ASTN2: variants seen among roughly 807,000 people sequenced by gnomAD.
The protein encoded by ASTN2 is astrotactin-2.
Under a neutral mutation model 139.8 loss-of-function variants are expected in ASTN2, and 54 were observed. That is an observed-to-expected ratio of 0.39 (90% CI 0.31 to 0.48). The LOEUF (loss-of-function observed/expected upper bound fraction) is 0.48, where lower values mean the gene tolerates loss of function less well. Ranked by LOEUF, ASTN2 falls within the 20% of genes least tolerant of loss-of-function variation. The pLI is 0.95. For synonymous variants in ASTN2, 756 were observed against 719.5 expected, an observed-to-expected ratio of 1.05 and a Z score of -0.81; for missense variants, 1,565 against 1,725.1, an observed-to-expected ratio of 0.91 and a Z score of 1.64.
chr9:117,029,927 A>ATTC (rs965814929), intron 6 of ASTN2, among the ~76,000 whole-genome samples: 4 of 152,076 alleles, frequency 2.6e-5, no homozygotes, highest in African/African-American at 7.2e-5. Context: ...CATTCTCATA[A>ATTC]TCATAACTAC....
intron 1 of ASTN2, among the ~76,000 whole-genome samples, chr9:117,361,343 C>T (rs1159818173): frequency 6.6e-6 from 1 of 152,188 alleles, no homozygotes; most frequent in Non-Finnish European, 1.5e-5. Flanking sequence ...CGCTCCCATG[C>T]ATGGGGTCGT....
At chr9:116,772,187 C>T (rs1829969778) in intron 13 of ASTN2, among the ~76,000 whole-genome samples, 1 of 152,182 alleles carries the variant, frequency 6.6e-6, no homozygotes, top group Non-Finnish European at 1.5e-5. Context: ...GTGTCCCCAC[C>T]CAAATCTCAT....
chr9:116,498,472 T>G (rs987239773), intron 19 of ASTN2, among the ~76,000 whole-genome samples: 1 of 151,822 alleles, frequency 6.6e-6, no homozygotes, highest in Non-Finnish European at 1.5e-5. Context: ...GTGGCATGTG[T>G]CTGTAGCCCT....
chr9:116,439,495 C>T (rs374760332), intron 22 of ASTN2, among the ~76,000 whole-genome samples: 8 of 139,760 alleles, frequency 5.7e-5, no homozygotes, highest in African/African-American at 1.2e-4. Context: ...CCACCGCGCC[C>T]GGCCTCAAAT....
chr9:117,147,767 T>C (rs1040101259), intron 3 of ASTN2, among the ~76,000 whole-genome samples: 6 of 152,148 alleles, frequency 3.9e-5, no homozygotes, highest in Non-Finnish European at 8.8e-5. Context: ...ACATGGTTTT[T>C]CCAGGTCATG....
intron 19 of ASTN2, among the ~76,000 whole-genome samples, chr9:116,506,630 A>AG (rs1491136704): frequency 2.0e-5 from 3 of 152,182 alleles, no homozygotes; most frequent in African/African-American, 7.2e-5. Flanking sequence ...ATTGATAAAT[A>AG]GAGAGAATGT....
At chr9:116,764,865 T>A (rs1829765210) in intron 13 of ASTN2, among the ~76,000 whole-genome samples, 1 of 152,154 alleles carries the variant, frequency 6.6e-6, no homozygotes, top group Non-Finnish European at 1.5e-5. Flanking sequence ...GTATAAATTT[T>A]AAAAAATAAT....
chr9:116,745,521 C>A (rs181833708), intron 13 of ASTN2, among the ~76,000 whole-genome samples: 38 of 152,314 alleles, frequency 2.5e-4, no homozygotes, highest in Admixed American at 2.3e-3. Context: ...ATCACCAACT[C>A]TGCTAGGTAT....
chr9:117,072,733 TA>T (rs1242303137), intron 5 of ASTN2, among the ~76,000 whole-genome samples: 2 of 152,206 alleles, frequency 1.3e-5, no homozygotes, highest in African/African-American at 2.4e-5. Flanking sequence ...TTTATTTATT[TA>T]TTTTTTTAGC....
intron 16 of ASTN2, among the ~76,000 whole-genome samples, chr9:116,685,335 T>G (rs918198715): frequency 2.0e-5 from 3 of 152,172 alleles, no homozygotes; most frequent in Non-Finnish European, 1.5e-5. Context: ...CCTTAAAATC[T>G]CTGTTCCCCA....
chr9:116,780,293 T>C (rs1830183915), intron 13 of ASTN2, among the ~76,000 whole-genome samples: 1 of 152,224 alleles, frequency 6.6e-6, no homozygotes, highest in Non-Finnish European at 1.5e-5. Context: ...CACTGCTTCA[T>C]ATGCATTATC....
intron 17 of ASTN2, among the ~76,000 whole-genome samples, chr9:116,630,335 T>C (rs908132843): frequency 2.0e-5 from 3 of 152,220 alleles, no homozygotes; most frequent in African/African-American, 7.2e-5. Flanking sequence ...GCCTGTATAT[T>C]AGGTTGTATT....
At chr9:116,910,828 A>C (rs1834290078) in intron 10 of ASTN2, among the ~76,000 whole-genome samples, 1 of 152,210 alleles carries the variant, frequency 6.6e-6, no homozygotes, top group Admixed American at 6.5e-5. Flanking sequence ...GGAGTTTTGC[A>C]TGGAGAGAAG....
intron 3 of ASTN2, among the ~76,000 whole-genome samples, chr9:117,146,173 A>G (rs957828647): frequency 1.3e-5 from 2 of 152,104 alleles, no homozygotes; most frequent in Non-Finnish European, 2.9e-5. Flanking sequence ...CGATATCAGT[A>G]TATCAAGTTG....
At chr9:117,255,840 G>C (rs1833672090) in intron 2 of ASTN2, among the ~76,000 whole-genome samples, 1 of 152,156 alleles carries the variant, frequency 6.6e-6, no homozygotes, top group African/African-American at 2.4e-5. Flanking sequence ...AGCCACCGGG[G>C]CAAGTACCAC....
chr9:117,218,252 G>T (rs1832396784), intron 2 of ASTN2, among the ~76,000 whole-genome samples: 1 of 152,160 alleles, frequency 6.6e-6, no homozygotes, highest in Non-Finnish European at 1.5e-5. Flanking sequence ...TGATTCTTTA[G>T]CCCTTGACCT....
At chr9:117,087,218 T>TTTTG (rs150670523) in intron 5 of ASTN2, among the ~76,000 whole-genome samples, 3,458 of 150,516 alleles carry the variant, frequency 0.023, 119 homozygotes, top group African/African-American at 0.077. Context: ...ATTTTTTTCT[T>TTTTG]TTTGTTTGTT....
intron 13 of ASTN2, among the ~76,000 whole-genome samples, chr9:116,788,973 T>A (rs1186736030): frequency 6.6e-6 from 1 of 152,204 alleles, no homozygotes; most frequent in East Asian, 1.9e-4. Flanking sequence ...CAAATTTAAT[T>A]GCAATTTAGC....
intron 19 of ASTN2, among the ~76,000 whole-genome samples, chr9:116,592,082 TCCTC>T (rs1443687265): frequency 6.6e-6 from 1 of 152,108 alleles, no homozygotes; most frequent in Non-Finnish European, 1.5e-5. Flanking sequence ...CCTATGCACA[TCCTC>T]CCTTAAATTT....
Sources: allele counts gnomAD v4.1 joint callset (sites outside exome capture counted in the v4.1 genomes callset), GRCh38; gene constraint gnomAD v4.1.1; transcripts MANE v1.5; gene names NCBI Gene and HGNC (gene_info 2026-07-23, HGNC 2026-07-21).